The following MPRIP variants were observed in gnomAD, a reference collection of about 807,000 sequenced individuals.
MPRIP encodes the protein myosin phosphatase Rho-interacting protein.
In MPRIP, 59 loss-of-function variants were observed where a neutral mutation model predicts 234.9. That is an observed-to-expected ratio of 0.25 (90% CI 0.20 to 0.31). The LOEUF (loss-of-function observed/expected upper bound fraction) is 0.31. Among genes scored for constraint, MPRIP ranks in the 10% least tolerant of loss-of-function variants. The probability of loss-of-function intolerance (pLI) is 1.00; values close to 1 mark genes in which losing one functional copy is unlikely to be tolerated. For missense variants in MPRIP, 2,436 were observed against 3,071.0 expected (o/e 0.79, Z 4.89); for synonymous variants, 1,144 against 1,263.9 (o/e 0.91, Z 2.01).
intron 4 of MPRIP, among the ~76,000 whole-genome samples, chr17:17,130,302 G>A (rs79436596): frequency 0.012 from 1,797 of 152,166 alleles, 12 homozygotes; most frequent in Non-Finnish European, 0.02. Flanking sequence ...GCCAGTGATT[G>A]TGACTGACCC....
rs777977477 is a variant in MPRIP at position 17,167,144 on chromosome 17, G to A, written c.5553G>A (p.Ala1851=). Residue 1851 remains alanine (A), a synonymous_variant, in exon 16 of 24, where the codon GCG becomes GCA. Transcript: ENST00000651222. This position sits in a 1 kb window ranked among gnomAD's most constrained non-coding sequence, Gnocchi z 5.9. ...TTATTCAGGCCCAGGTTTGCTATGC[G>A]TCCTGCAGAATCCGGCTAGAATATG... ...DAIIQAQVCY[A]SCRIRLEYEK... is the part of the protein sequence containing the mutation. 296 of 1,304,058 alleles carry A rather than the reference G, an allele frequency of 2.3e-4. No homozygotes were observed. The highest frequency in any genetic ancestry group is 2.0e-3 in the East Asian group (36 of 18,004). The allele number at this position is 1,304,058 out of a possible 1,614,324, so 80.8% of individuals were successfully genotyped here.
At position 17,042,532 on chromosome 17, in the gene MPRIP, C is replaced by A. The variant is rs2088203279; in HGVS notation, c.-317C>A. On this transcript the variant is annotated 5_prime_UTR_variant, in exon 1 of 24. Coordinates refer to ENST00000651222, the MANE Select transcript of MPRIP (RefSeq NM_001364716.4). ...GGGCAGCTGCGGCGGCGCGGACGAG[C>A]CGGGACGGCGGCGACCGGAGCCTGA... The A allele has an allele frequency of 6.8e-6, 1 of 147,134 alleles. No individual in the cohort carries two copies. Among genetic ancestry groups the A allele is most frequent in the African/African-American group, 2.4e-5 (1 of 40,894 alleles). The allele number at this position is 147,134 out of a possible 1,614,324, so 9.1% of individuals were successfully genotyped here. A position where few individuals can be genotyped will look rare whatever the true frequency, so the allele number is the denominator to read the frequency against.
At chr17:17,089,627 C>T (rs957457165) in intron 3 of MPRIP, among the ~76,000 whole-genome samples, 1 of 152,036 alleles carries the variant, frequency 6.6e-6, no homozygotes, top group Admixed American at 6.6e-5. Context: ...CGGTGTTGAG[C>T]TCTGGGGAGT....
chr17:17,094,246 A>G (rs2089787684), intron 3 of MPRIP, among the ~76,000 whole-genome samples: 2 of 151,844 alleles, frequency 1.3e-5, no homozygotes, highest in Non-Finnish European at 2.9e-5. Flanking sequence ...TCCTGTGCAC[A>G]CTCTTGACCA....
intron 3 of MPRIP, among the ~76,000 whole-genome samples, chr17:17,117,163 A>G (rs570515827): frequency 7.4e-4 from 113 of 152,188 alleles, no homozygotes; most frequent in Middle Eastern, 3.4e-3. Context: ...AAGTTGTTGA[A>G]CCCATCGTCT....
intron 2 of MPRIP, chr17:17,077,775 T>C: frequency 2.2e-6 from 1 of 450,384 alleles, no homozygotes; most frequent in Non-Finnish European, 4.0e-6. Context: ...AAAAAAAGAC[T>C]TCTTATTAAG....
intron 1 of MPRIP, among the ~76,000 whole-genome samples, chr17:17,059,229 G>A (rs60697210): frequency 0.058 from 8,761 of 152,284 alleles, 797 homozygotes; most frequent in African/African-American, 0.19. Flanking sequence ...ATGAAAGACA[G>A]CTGGGTTCTC....
chr17:17,076,202 A>G (rs1844136308), intron 2 of MPRIP: 2 of 158,828 alleles, frequency 1.3e-5, no homozygotes, highest in African/African-American at 4.8e-5. Flanking sequence ...TTGGGGGCCC[A>G]GAGGCCTTGG....
chr17:17,066,723 C>CTTTTTTTTT lies in MPRIP; in HGVS notation c.124-8949_124-8941dup, dbSNP rs34804730. 7.4e-4 allele frequency among the ~76,000 whole-genome samples: 27 copies of CTTTTTTTTT among 36,688 alleles called. 9 individuals are homozygous for CTTTTTTTTT. The highest frequency in any genetic ancestry group is 1.3e-3 in the Non-Finnish European group (21 of 16,614). 24.1% of individuals were successfully genotyped at this position (36,688 alleles called of 152,430 possible). ...TCAAACCCACAGATACTTTTTTCAT[C>CTTTTTTTTT]TTTTTTTTTTTTTTTTTTTTTTTTT... On this transcript the variant is annotated intron_variant, in intron 1 of 23. Transcript: ENST00000651222.
intron 1 of MPRIP, among the ~76,000 whole-genome samples, chr17:17,055,712 G>A (rs1305781631): frequency 1.3e-5 from 2 of 152,274 alleles, no homozygotes; most frequent in Non-Finnish European, 2.9e-5. Flanking sequence ...TGGAAACCCC[G>A]TGAGCCTGGG....
At chr17:17,109,215 G>A (rs532377544) in intron 3 of MPRIP, among the ~76,000 whole-genome samples, 4 of 152,194 alleles carry the variant, frequency 2.6e-5, no homozygotes, top group East Asian at 1.9e-4. Flanking sequence ...ATGGGGCACC[G>A]TTGCAGGTTC....
Position 17,158,920 on chromosome 17 carries a change from C to T in MPRIP, c.2318C>T (p.Pro773Leu). The T allele has an allele frequency of 6.2e-7, 1 of 1,612,690 alleles. No individual in the cohort carries two copies. The highest frequency in any genetic ancestry group is 8.5e-7 in the Non-Finnish European group (1 of 1,179,982). The stretch of plus-strand genomic sequence containing the variant: ...CCTCTCCGGGAAGAGAAGCAGGTGC[C>T]CATCGCCCCCGTCCACCTGTCTTCT... ...TTPLREEKQVPIAPVHLSSED... is the reference protein window; with the variant it reads ...TTPLREEKQVLIAPVHLSSED... The change falls in exon 14 of 24, where the codon CCC (proline) becomes CTC (leucine). Residue 773 changes from proline (P) to leucine (L), a missense_variant. This residue lies in a region of MPRIP where 1,998 missense variants were observed against 2,520.3 expected (regional missense o/e 0.79). Transcript: ENST00000651222.
intron 3 of MPRIP, among the ~76,000 whole-genome samples, chr17:17,112,419 A>G (rs2090191235): frequency 6.6e-6 from 1 of 152,172 alleles, no homozygotes; most frequent in African/African-American, 2.4e-5. Flanking sequence ...TGTGGCAGGC[A>G]CCATGTCTTC....
intron 3 of MPRIP, chr17:17,097,197 A>G (rs1174251338): frequency 5.1e-6 from 1 of 197,378 alleles, no homozygotes; most frequent in Non-Finnish European, 1.1e-5. Context: ...TCATGCAGCA[A>G]AATTGCCTAT....
chr17:17,093,536 A>G (rs1255136525), intron 3 of MPRIP, among the ~76,000 whole-genome samples: 1 of 152,206 alleles, frequency 6.6e-6, no homozygotes, highest in African/African-American at 2.4e-5. Flanking sequence ...CCTATCATGC[A>G]ATAGTTACCC....
intron 1 of MPRIP, among the ~76,000 whole-genome samples, chr17:17,070,776 T>G (rs1332155814): frequency 6.6e-6 from 1 of 152,268 alleles, no homozygotes; most frequent in Non-Finnish European, 1.5e-5. Flanking sequence ...TCATTCAGTT[T>G]GTGACCTTCC....
intron 16 of MPRIP, among the ~76,000 whole-genome samples, chr17:17,169,277 G>A (rs191405914): frequency 6.2e-4 from 95 of 152,278 alleles, no homozygotes; most frequent in Non-Finnish European, 1.1e-3. Flanking sequence ...CCCCAAATAC[G>A]CTTGCTAGTG....
At chr17:17,159,317 G>A (rs192792583) in intron 14 of MPRIP, among the ~76,000 whole-genome samples, 3 of 152,360 alleles carry the variant, frequency 2.0e-5, no homozygotes, top group East Asian at 3.9e-4. Context: ...TCTGACTCCC[G>A]ATGGCAGGAG....
At chr17:17,133,957 G>T (rs756001324) in intron 5 of MPRIP, among the ~76,000 whole-genome samples, 1 of 152,196 alleles carries the variant, frequency 6.6e-6, no homozygotes, top group Non-Finnish European at 1.5e-5. Flanking sequence ...CCAGCCAGGT[G>T]TGCAGGCCCC....
Sources: gnomAD v4.1 joint callset for allele counts (sites outside exome capture counted in the v4.1 genomes callset) on GRCh38, gnomAD v4.1.1 for gene constraint, gnomAD v4.1.1 regional missense constraint, Gnocchi (gnomAD v3.1) non-coding constraint, MANE v1.5 for transcripts, NCBI Gene and HGNC (gene_info 2026-07-23, HGNC 2026-07-21) for gene names.